BTD: variants seen among roughly 807,000 people sequenced by gnomAD.
The protein encoded by BTD is biocytinase.
BTD carries 13 observed loss-of-function variants against 17.7 expected under a neutral mutation model. That is an observed-to-expected ratio of 0.74 (90% CI 0.48 to 1.17). The LOEUF is 1.17. BTD is among the 50% of genes most tolerant of loss of function. The probability of loss-of-function intolerance (pLI) is 0.00; values close to 1 mark genes in which losing one functional copy is unlikely to be tolerated. For missense variants in BTD, 674 were observed against 650.4 expected (o/e 1.04, Z -0.39); for synonymous variants, 240 against 245.2 (o/e 0.98, Z 0.20).
chr3:15,636,425 A>G (rs1037759280), intron 2 of BTD, among the ~76,000 whole-genome samples: 4 of 152,142 alleles, frequency 2.6e-5, no homozygotes, highest in Admixed American at 6.5e-5. Context: ...AAGGGTGGGG[A>G]CAAAGGAGAG....
intron 1 of BTD, among the ~76,000 whole-genome samples, chr3:15,626,201 C>T (rs1485595483): frequency 2.6e-5 from 4 of 152,164 alleles, no homozygotes; most frequent in African/African-American, 9.7e-5. Context: ...TTCAATCAAC[C>T]TCCCCCACCA....
chr3:15,712,177 G>A lies in BTD; in HGVS notation c.*2103G>A, dbSNP rs779215322. 10 of 1,585,090 alleles carry A rather than the reference G, an allele frequency of 6.3e-6. No homozygotes were observed. In the East Asian group the frequency reaches 6.9e-5, roughly 11 times the overall value. On this transcript the variant is annotated 3_prime_UTR_variant, in exon 4 of 4. Transcript: ENST00000672141. ...GTTTTCTGCAGCAATCTGAAAAGCC[G>A]CTTAAGGCTGCCAAATGGAGGGGGA...
chr3:15,713,425 G>T, downstream of BTD: 1 of 842,536 alleles, frequency 1.2e-6, no homozygotes, highest in Non-Finnish European at 1.9e-6. Context: ...ATACAACATT[G>T]AGGATAAAAT....
intron 1 of BTD, among the ~76,000 whole-genome samples, chr3:15,629,671 C>T (rs917118231): frequency 3.3e-5 from 5 of 152,134 alleles, no homozygotes; most frequent in African/African-American, 7.2e-5. Context: ...ATTACAGACA[C>T]GTGCCACCAT....
chr3:15,693,036 G>A (rs1282955360), intron 3 of BTD, among the ~76,000 whole-genome samples: 1 of 152,124 alleles, frequency 6.6e-6, no homozygotes, highest in Non-Finnish European at 1.5e-5. Context: ...ACTTAAATGA[G>A]GTGTCTAGAT....
At chr3:15,681,891 C>G (rs1035801097) in intron 3 of BTD, among the ~76,000 whole-genome samples, 4 of 152,126 alleles carry the variant, frequency 2.6e-5, no homozygotes, top group African/African-American at 9.7e-5. Flanking sequence ...TGGAGAGTCC[C>G]TTGCAACAAT....
chr3:15,610,716 A>G (rs1440059996), intron 1 of BTD, among the ~76,000 whole-genome samples: 1 of 152,212 alleles, frequency 6.6e-6, no homozygotes, highest in Non-Finnish European at 1.5e-5. Context: ...CCTGGACTTC[A>G]TTCTTTTGAA....
Position 15,678,471 on chromosome 3 carries a change from C to G in BTD, c.400-31589C>G, listed in dbSNP as rs558619511. The G allele has an allele frequency of 9.6e-4, 878 of 915,302 alleles. 1 individual carries two copies. The highest frequency in any genetic ancestry group is 1.2e-3 in the Non-Finnish European group (783 of 642,952). The allele number at this position is 915,302 out of a possible 1,614,324, so 56.7% of individuals were successfully genotyped here. On this transcript the variant is annotated intron_variant, in intron 3 of 3. Coordinates refer to the BTD transcript ENST00000672141. ...GGGTTTACATATTAGGCTACAAAAGCACTGCCTGTACACAAACAAATAGGC... is the reference window on the plus strand; with the variant it reads ...GGGTTTACATATTAGGCTACAAAAGGACTGCCTGTACACAAACAAATAGGC...
chr3:15,696,307 A>G (rs2069543326), intron 3 of BTD: 4 of 1,074,902 alleles, frequency 3.7e-6, no homozygotes, highest in Non-Finnish European at 5.4e-6. Flanking sequence ...CAATGATAAA[A>G]AGAGACTGAA....
chr3:15,700,944 T>C (rs1386307072), intron 3 of BTD, among the ~76,000 whole-genome samples: 1 of 152,206 alleles, frequency 6.6e-6, no homozygotes, highest in Non-Finnish European at 1.5e-5. Flanking sequence ...TAAAGTGTAT[T>C]CATGTTCAAA....
chr3:15,630,135 G>T, intron 1 of BTD: 1 of 961,524 alleles, frequency 1.0e-6, no homozygotes, highest in African/African-American at 1.8e-5. Context: ...GTAAAAAACA[G>T]CTTTCATGAA....
chr3:15,628,220 C>G (rs1190097546), intron 1 of BTD, among the ~76,000 whole-genome samples: 5 of 152,206 alleles, frequency 3.3e-5, no homozygotes, highest in Non-Finnish European at 7.3e-5. Flanking sequence ...ACATCCACCA[C>G]AAGCTTAGAG....
chr3:15,685,766 C>T (rs1245174431), intron 3 of BTD, among the ~76,000 whole-genome samples: 1 of 152,106 alleles, frequency 6.6e-6, no homozygotes, highest in Non-Finnish European at 1.5e-5. Flanking sequence ...GTCAAATTGA[C>T]ATTAATTCTA....
At chr3:15,619,245 C>T (rs1348960577) in intron 1 of BTD, among the ~76,000 whole-genome samples, 1 of 152,188 alleles carries the variant, frequency 6.6e-6, no homozygotes, top group Admixed American at 6.5e-5. Context: ...TATTATCATT[C>T]CAAATGGGTA....
At position 15,648,582 on chromosome 3, in the gene BTD, G is replaced by A. The variant is rs1021802359; in HGVS notation, c.*3094G>A. Among the ~76,000 whole-genome samples, 16 of 152,200 alleles carry A rather than the reference G, an allele frequency of 1.1e-4. No individual in the cohort carries two copies. Among genetic ancestry groups the A allele is most frequent in the African/African-American group, 3.9e-4 (16 of 41,444 alleles). Reference sequence around the variant, plus strand: ...TGAGGCTACAGTCAAGATGTCAGCCGAGGTGACAGTGAAGATATCAACCAA... The same window carrying A: ...TGAGGCTACAGTCAAGATGTCAGCCAAGGTGACAGTGAAGATATCAACCAA... On this transcript the variant is annotated 3_prime_UTR_variant, in exon 4 of 4. Coordinates refer to ENST00000643237, the MANE Select transcript of BTD (RefSeq NM_001370658.1).
intron 3 of BTD, among the ~76,000 whole-genome samples, chr3:15,671,007 A>T (rs1053475891): frequency 6.6e-6 from 1 of 152,238 alleles, no homozygotes; most frequent in Non-Finnish European, 1.5e-5. Flanking sequence ...TGATGCTAAG[A>T]AATCTTAAAT....
chr3:15,639,320 G>A (rs1335736751), intron 2 of BTD, among the ~76,000 whole-genome samples: 2 of 151,810 alleles, frequency 1.3e-5, no homozygotes, highest in East Asian at 3.9e-4. Context: ...AAAGAAAAAT[G>A]TCTATCCAAA....
At chr3:15,682,585 T>TTA (rs779837299) in intron 3 of BTD, among the ~76,000 whole-genome samples, 8 of 152,260 alleles carry the variant, frequency 5.3e-5, no homozygotes, top group Non-Finnish European at 1.2e-4. Flanking sequence ...ATTGAATGAC[T>TTA]ATATAAACTG....
At chr3:15,605,754 G>A (rs376998145) in intron 1 of BTD, among the ~76,000 whole-genome samples, 70 of 152,252 alleles carry the variant, frequency 4.6e-4, no homozygotes, top group Non-Finnish European at 8.1e-4. Flanking sequence ...CCAGAAAGAT[G>A]TGAAACGGGC....
Sources: allele counts gnomAD v4.1 joint callset (sites outside exome capture counted in the v4.1 genomes callset), GRCh38; gene constraint gnomAD v4.1.1; transcripts MANE v1.5; gene names NCBI Gene and HGNC (gene_info 2026-07-23, HGNC 2026-07-21).